Variants in GLRB observed in about 807,000 individuals in gnomAD.
GLRB encodes the protein glycine receptor subunit beta.
A neutral mutation model predicts 54.2 loss-of-function variants in GLRB; 33 were observed. The observed-to-expected ratio is 0.61, with a 90% confidence interval of 0.46 to 0.81. The LOEUF is 0.81. GLRB is among the 40% of genes least tolerant of loss of function. GLRB has a pLI of 0.00. For synonymous variants in GLRB, 209 were observed against 208.2 expected (o/e 1.00, Z -0.03); for missense variants, 572 against 584.6 (o/e 0.98, Z 0.22).
intron 8 of GLRB, among the ~76,000 whole-genome samples, chr4:157,144,292 C>A (rs143332079): frequency 1.5e-3 from 221 of 152,154 alleles, no homozygotes; most frequent in Non-Finnish European, 3.1e-4. Context: ...ATAACTATTT[C>A]GAAGGAAGTC....
At chr4:157,124,412 C>A (rs1021163563) in intron 4 of GLRB, among the ~76,000 whole-genome samples, 1 of 151,546 alleles carries the variant, frequency 6.6e-6, no homozygotes, top group Non-Finnish European at 1.5e-5. Context: ...TGTGTGTATT[C>A]CTTTTATTCT....
chr4:157,091,853 T>C (rs1734630520), intron 2 of GLRB, among the ~76,000 whole-genome samples: 1 of 152,348 alleles, frequency 6.6e-6, no homozygotes, highest in Admixed American at 6.5e-5. Context: ...AACTTCTTCC[T>C]AGGGTTTGTC....
chr4:157,117,495 G>C (rs1405826870), intron 2 of GLRB, among the ~76,000 whole-genome samples: 1 of 151,664 alleles, frequency 6.6e-6, no homozygotes, highest in East Asian at 2.0e-4. Flanking sequence ...CATAATGGTT[G>C]ATTCTCCAAT....
At chr4:157,146,980 T>A (rs992472154) in intron 8 of GLRB, among the ~76,000 whole-genome samples, 1 of 152,166 alleles carries the variant, frequency 6.6e-6, no homozygotes, top group African/African-American at 2.4e-5. Context: ...AAATTGACCT[T>A]AGCCGAGATG....
chr4:157,076,204 C>G lies in GLRB; in HGVS notation c.-123C>G, dbSNP rs1032520064. 1 of 150,404 alleles carries G rather than the reference C, an allele frequency of 6.6e-6. No homozygotes were observed. The highest frequency in any genetic ancestry group is 1.5e-5 in the Non-Finnish European group (1 of 67,518). 9.3% of individuals were successfully genotyped at this position (150,404 alleles called of 1,614,324 possible). On this transcript the variant is annotated 5_prime_UTR_variant, in exon 1 of 10. Coordinates refer to ENST00000264428, the MANE Select transcript of GLRB (RefSeq NM_000824.5). ...CGGGCGGCTGGGACGCAGCTGCCCC[C>G]GCTCGGCGCCCGCTGCACCCTTAGC...
intron 2 of GLRB, among the ~76,000 whole-genome samples, chr4:157,086,572 A>C (rs769487669): frequency 7.9e-5 from 12 of 152,198 alleles, no homozygotes; most frequent in African/African-American, 2.9e-4. Flanking sequence ...TCTATTGTGC[A>C]TTATTTTCTC....
intron 4 of GLRB, among the ~76,000 whole-genome samples, chr4:157,135,941 C>T (rs1272981691): frequency 6.6e-6 from 1 of 152,032 alleles, no homozygotes; most frequent in African/African-American, 2.4e-5. Context: ...ACGTTTGCCA[C>T]GTTGTATCTG....
At chr4:157,148,865 T>C (rs929936713) in intron 8 of GLRB, among the ~76,000 whole-genome samples, 32 of 152,162 alleles carry the variant, frequency 2.1e-4, no homozygotes, top group African/African-American at 7.7e-4. Flanking sequence ...AGTAGCTCTG[T>C]TGAAATCTTT....
At chr4:157,131,534 A>G (rs1023978398) in intron 4 of GLRB, among the ~76,000 whole-genome samples, 5 of 151,930 alleles carry the variant, frequency 3.3e-5, no homozygotes, top group African/African-American at 1.2e-4. Context: ...TTATAGTATC[A>G]TACAGAAGGG....
intron 2 of GLRB, among the ~76,000 whole-genome samples, chr4:157,088,693 C>CA (rs1319076842): frequency 1.3e-5 from 2 of 151,952 alleles, no homozygotes; most frequent in African/African-American, 4.8e-5. Context: ...CTTGATTTAG[C>CA]AAAAAAAGAA....
At chr4:157,140,264 G>A (rs1339706084) in intron 7 of GLRB, among the ~76,000 whole-genome samples, 2 of 151,938 alleles carry the variant, frequency 1.3e-5, no homozygotes, top group African/African-American at 4.8e-5. Flanking sequence ...AGATATGGAA[G>A]TGATCTAATT....
At chr4:157,164,277 C>T (rs890690199) in intron 9 of GLRB, among the ~76,000 whole-genome samples, 2 of 152,120 alleles carry the variant, frequency 1.3e-5, no homozygotes, top group Non-Finnish European at 2.9e-5. Context: ...TTGTGAGAAA[C>T]TGTGCTTCCC....
chr4:157,093,514 G>A (rs1000696025), intron 2 of GLRB, among the ~76,000 whole-genome samples: 1 of 152,028 alleles, frequency 6.6e-6, no homozygotes, highest in Non-Finnish European at 1.5e-5. Flanking sequence ...GCTGAGGTGG[G>A]CTGATCACGA....
At chr4:157,083,408 G>A (rs1734296709) in intron 2 of GLRB, among the ~76,000 whole-genome samples, 1 of 149,492 alleles carries the variant, frequency 6.7e-6, no homozygotes, top group Non-Finnish European at 1.5e-5. Context: ...ACTTTTTTGA[G>A]TTCTGCCTAG....
intron 2 of GLRB, among the ~76,000 whole-genome samples, chr4:157,118,813 C>G (rs1473689345): frequency 6.6e-6 from 1 of 151,478 alleles, no homozygotes; most frequent in African/African-American, 2.4e-5. Flanking sequence ...TCTAAGTTTC[C>G]TTCATATAAA....
At chr4:157,088,820 A>G (rs1734504021) in intron 2 of GLRB, among the ~76,000 whole-genome samples, 1 of 152,108 alleles carries the variant, frequency 6.6e-6, no homozygotes. Context: ...AAGTGCTTAC[A>G]AACATATTAA....
chr4:157,118,558 A>G (rs4618360), intron 2 of GLRB, among the ~76,000 whole-genome samples: 10 of 151,262 alleles, frequency 6.6e-5, no homozygotes, highest in Admixed American at 2.0e-4. Flanking sequence ...CGTATGATCT[A>G]TGCACTTTTG....
chr4:157,154,761 AT>A (rs950871078), intron 9 of GLRB, among the ~76,000 whole-genome samples: 3 of 151,886 alleles, frequency 2.0e-5, no homozygotes, highest in African/African-American at 7.3e-5. Flanking sequence ...TTACTTGAAC[AT>A]TTTTTTAGAA....
chr4:157,079,037 G>A (rs976602145), intron 2 of GLRB, among the ~76,000 whole-genome samples: 1 of 152,158 alleles, frequency 6.6e-6, no homozygotes, highest in African/African-American at 2.4e-5. Context: ...GCATCCCAAA[G>A]TGCTGGGATT....
Sources: allele counts gnomAD v4.1 joint callset (sites outside exome capture counted in the v4.1 genomes callset), GRCh38; gene constraint gnomAD v4.1.1; transcripts MANE v1.5; gene names NCBI Gene and HGNC (gene_info 2026-07-23, HGNC 2026-07-21).